LAMA2: variants seen among roughly 807,000 people sequenced by gnomAD.
LAMA2 encodes the protein laminin subunit alpha 2.
LAMA2 carries 269 observed loss-of-function variants against 364.8 expected under a neutral mutation model. That is an observed-to-expected ratio of 0.74 (90% CI 0.67 to 0.82). The LOEUF is 0.82. Among genes scored for constraint, LAMA2 ranks in the 40% least tolerant of loss-of-function variants. The probability of loss-of-function intolerance (pLI) is 0.00; values close to 1 mark genes in which losing one functional copy is unlikely to be tolerated. For missense variants in LAMA2, 3,807 were observed against 3,873.2 expected, an observed-to-expected ratio of 0.98 and a Z score of 0.45; for synonymous variants, 1,379 against 1,370.6, an observed-to-expected ratio of 1.01 and a Z score of -0.14.
At position 128,921,358 on chromosome 6, in the gene LAMA2, A is replaced by G. The variant is rs572187047; in HGVS notation, c.112+38001A>G. ...TTTTGTAGGTTGAATTGCATCCTTC[A>G]AAAAGAAATGTTGAAGTCTTAACCC... On this transcript the variant is annotated intron_variant, in intron 1 of 64. Coordinates refer to ENST00000421865, the MANE Select transcript of LAMA2 (RefSeq NM_000426.4). 2.0e-5 allele frequency among the ~76,000 whole-genome samples: 3 copies of G among 152,320 alleles called. 1 individual carries two copies. In the South Asian group the frequency reaches 6.2e-4, roughly 32 times the overall value.
intron 3 of LAMA2, among the ~76,000 whole-genome samples, chr6:129,076,459 A>T (rs551617945): frequency 3.6e-3 from 503 of 139,852 alleles, no homozygotes; most frequent in African/African-American, 0.013. Flanking sequence ...ATTATATATA[A>T]TATATAATAC....
intron 53 of LAMA2, among the ~76,000 whole-genome samples, chr6:129,476,669 TAA>T (rs768200214): frequency 5.9e-5 from 9 of 152,282 alleles, no homozygotes; most frequent in South Asian, 2.1e-4. Context: ...AAAATGGTGA[TAA>T]GTCAGTCTTT....
rs369593098 is a variant in LAMA2 at position 129,308,023 on chromosome 6, T to G, written c.3175-4838T>G. ...CACCTTCACATGTATGATAAAACATTTGAACCTGGTCTAGAATATGCTGAC... is the reference window on the plus strand; with the variant it reads ...CACCTTCACATGTATGATAAAACATGTGAACCTGGTCTAGAATATGCTGAC... On this transcript the variant is annotated intron_variant, in intron 22 of 64. Coordinates refer to ENST00000421865, the MANE Select transcript of LAMA2 (RefSeq NM_000426.4). Among the ~76,000 whole-genome samples the G allele has an allele frequency of 7.4e-4, 113 of 152,354 alleles. 2 individuals carry two copies. Among genetic ancestry groups the G allele is most frequent in the African/African-American group, 2.6e-3 (108 of 41,586 alleles).
chr6:129,056,263 C>T (rs544369241), intron 2 of LAMA2, among the ~76,000 whole-genome samples: 1 of 152,190 alleles, frequency 6.6e-6, no homozygotes, highest in African/African-American at 2.4e-5. Flanking sequence ...ATGCCAATTT[C>T]AGCACCCTCT....
chr6:129,050,983 C>A (rs532161886), intron 2 of LAMA2, among the ~76,000 whole-genome samples: 7 of 152,108 alleles, frequency 4.6e-5, no homozygotes, highest in South Asian at 2.1e-4. Flanking sequence ...TTACACATAA[C>A]CCCTGATTCA....
At chr6:128,962,769 A>G (rs552490400) in intron 1 of LAMA2, among the ~76,000 whole-genome samples, 1 of 152,288 alleles carries the variant, frequency 6.6e-6, no homozygotes, top group East Asian at 1.9e-4. Flanking sequence ...TTAATTACAA[A>G]TATCTTATGC....
In LAMA2 at chr6:129,370,009, G is replaced by T. The variant is rs1299424580; in HGVS notation, c.4959+19G>T. 1 of 1,590,306 alleles carries T rather than the reference G, an allele frequency of 6.3e-7. No homozygotes were observed. The highest frequency in any genetic ancestry group is 8.6e-7 in the Non-Finnish European group (1 of 1,158,572). ...GACCAGGGTAAGGTGGCAAAATTAT[G>T]AATCTTCTGAAAGCAGATAGATTAT... On this transcript the variant is annotated intron_variant, in intron 34 of 64. Transcript: ENST00000421865.
At chr6:129,081,120 A>G (rs2114839109) in intron 3 of LAMA2, among the ~76,000 whole-genome samples, 1 of 152,272 alleles carries the variant, frequency 6.6e-6, no homozygotes, top group East Asian at 1.9e-4. Context: ...GGAAACCATC[A>G]TTCTCAGCAA....
intron 1 of LAMA2, among the ~76,000 whole-genome samples, chr6:128,920,859 T>C (rs562987896): frequency 1.6e-4 from 24 of 152,166 alleles, no homozygotes; most frequent in Admixed American, 1.3e-3. Flanking sequence ...TATGAAGCAC[T>C]ATAGCAAGGG....
At chr6:129,390,841 G>A (rs1779277366) in intron 35 of LAMA2, among the ~76,000 whole-genome samples, 2 of 152,138 alleles carry the variant, frequency 1.3e-5, no homozygotes, top group South Asian at 2.1e-4. Flanking sequence ...AGAATCCTAC[G>A]ATTCCAAGGA....
rs570655823 is a variant in LAMA2, at chr6:129,081,935, T to G, written c.397-16238T>G. 3.3e-5 allele frequency among the ~76,000 whole-genome samples: 5 copies of G among 152,280 alleles called. 1 individual carries two copies. The South Asian group carries it at 1.0e-3, about 32-fold the overall frequency. ...GGAAAATGCTAAAACAACTTGCTATTAAAAACCATTTATCAGAAACTTGTT... is the reference window on the plus strand; with the variant it reads ...GGAAAATGCTAAAACAACTTGCTATGAAAAACCATTTATCAGAAACTTGTT... On this transcript the variant is annotated intron_variant, in intron 3 of 64. Coordinates refer to ENST00000421865, the MANE Select transcript of LAMA2 (RefSeq NM_000426.4).
intron 4 of LAMA2, among the ~76,000 whole-genome samples, chr6:129,105,190 G>A (rs1404334820): frequency 3.3e-5 from 5 of 152,088 alleles, no homozygotes; most frequent in Admixed American, 3.3e-4. Context: ...CAGACTGCAG[G>A]GGCCTCCATT....
intron 1 of LAMA2, among the ~76,000 whole-genome samples, chr6:129,037,912 G>A (rs950665190): frequency 6.6e-6 from 1 of 151,944 alleles, no homozygotes; most frequent in African/African-American, 2.4e-5. Flanking sequence ...CTCGTGATCT[G>A]CCCACCTTGG....
intron 8 of LAMA2, among the ~76,000 whole-genome samples, chr6:129,160,236 C>T (rs534831697): frequency 6.6e-6 from 1 of 152,084 alleles, no homozygotes; most frequent in East Asian, 1.9e-4. Flanking sequence ...TAGTTTTCTT[C>T]GTGCATTGTA....
chr6:129,117,670 A>T (rs943838077), intron 4 of LAMA2, among the ~76,000 whole-genome samples: 3 of 152,230 alleles, frequency 2.0e-5, no homozygotes, highest in African/African-American at 7.2e-5. Context: ...TCTAGCATAC[A>T]GTTTGAGTGA....
Position 129,154,502 on chromosome 6 carries a change from C to T in LAMA2, c.1028-3C>T. 6.2e-7 allele frequency: 1 copy of T among 1,608,356 alleles called. No homozygotes were observed. The highest frequency in any genetic ancestry group is 8.5e-7 in the Non-Finnish European group (1 of 1,174,926). On this transcript the variant is annotated splice_region_variant and splice_polypyrimidine_tract_variant and intron_variant, in intron 7 of 64. Transcript: ENST00000421865. ...TTTATTAATTTATTTTTCCTTAATGCAGCATGCAATTGTCATGGAAAAGCT... is the reference window on the plus strand; with the variant it reads ...TTTATTAATTTATTTTTCCTTAATGTAGCATGCAATTGTCATGGAAAAGCT...
chr6:129,309,252 A>G (rs1325801603), intron 22 of LAMA2, among the ~76,000 whole-genome samples: 1 of 152,240 alleles, frequency 6.6e-6, no homozygotes, highest in Non-Finnish European at 1.5e-5. Context: ...TAGCAGGGGA[A>G]TAGTGAGTAA....
At chr6:129,445,000 A>G (rs1782296983) in intron 44 of LAMA2, among the ~76,000 whole-genome samples, 1 of 152,228 alleles carries the variant, frequency 6.6e-6, no homozygotes, top group Non-Finnish European at 1.5e-5. Context: ...AATTGCCAAT[A>G]TGTAACCCTT....
In LAMA2 at chr6:129,514,374, T is replaced by TG; in HGVS notation, c.8991dup (p.Met2998AspfsTer16). 1 of 1,609,532 alleles carries TG rather than the reference T, an allele frequency of 6.2e-7. No individual in the cohort carries two copies. On this transcript the variant is annotated frameshift_variant and splice_region_variant, in exon 64 of 65. Coordinates refer to ENST00000421865, the MANE Select transcript of LAMA2 (RefSeq NM_000426.4). LOFTEE classifies it high-confidence loss of function. ...ACTGTTCTATTTCCTACTTTCCAGT[T>TG]GATGTTTCATGTGGACAATGGTGCG...
Sources: allele counts gnomAD v4.1 joint callset (sites outside exome capture counted in the v4.1 genomes callset), GRCh38; gene constraint gnomAD v4.1.1; transcripts MANE v1.5; gene names NCBI Gene and HGNC (gene_info 2026-07-23, HGNC 2026-07-21).